Variants in NR2F1-AS1 observed in about 807,000 individuals in gnomAD.
NR2F1-AS1 encodes the protein NR2F1 regulatory antisense RNA 1, also known as NR2F1 antisense RNA 1.
intron 4 of NR2F1-AS1, among the ~76,000 whole-genome samples, chr5:93,451,258 C>G (rs1458966144): frequency 6.8e-6 from 1 of 146,744 alleles, no homozygotes; most frequent in East Asian, 2.0e-4. Context: ...TAATGATAAC[C>G]TGAGAGCCAT....
intron 4 of NR2F1-AS1, among the ~76,000 whole-genome samples, chr5:93,507,403 G>T (rs1751208797): frequency 6.6e-6 from 1 of 152,026 alleles, no homozygotes; most frequent in East Asian, 1.9e-4. Context: ...TGTTGCCCAG[G>T]CTGGAGTGCA....
intron 4 of NR2F1-AS1, among the ~76,000 whole-genome samples, chr5:93,470,187 C>A (rs1302711475): frequency 1.3e-5 from 2 of 151,836 alleles, no homozygotes; most frequent in African/African-American, 4.8e-5. Context: ...CAGCATAATA[C>A]AATAAACATG....
At chr5:93,580,040 G>T (rs1580351825) in intron 1 of NR2F1-AS1, among the ~76,000 whole-genome samples, 1 of 152,242 alleles carries the variant, frequency 6.6e-6, no homozygotes, top group Non-Finnish European at 1.5e-5. Context: ...ACAAGGGCCA[G>T]CCGGGCCGGA....
intron 4 of NR2F1-AS1, among the ~76,000 whole-genome samples, chr5:93,547,400 C>T (rs943110623): frequency 6.6e-6 from 1 of 152,136 alleles, no homozygotes; most frequent in African/African-American, 2.4e-5. Context: ...CAGCCAACAT[C>T]TATCACCATT....
intron 4 of NR2F1-AS1, among the ~76,000 whole-genome samples, chr5:93,505,182 T>G (rs1195969435): frequency 6.6e-6 from 1 of 152,100 alleles, no homozygotes; most frequent in Non-Finnish European, 1.5e-5. Flanking sequence ...TCAAATTAAA[T>G]GATCTCCTTT....
At chr5:93,425,934 A>G (rs1749185554) in intron 4 of NR2F1-AS1, among the ~76,000 whole-genome samples, 1 of 152,182 alleles carries the variant, frequency 6.6e-6, no homozygotes, top group Admixed American at 6.5e-5. Flanking sequence ...TTAAATTTAA[A>G]ACAAAGATTA....
upstream of NR2F1-AS1, among the ~76,000 whole-genome samples, chr5:93,581,993 CT>C (rs1437911800): frequency 8.8e-6 from 1 of 113,512 alleles, no homozygotes; most frequent in Non-Finnish European, 1.8e-5. Flanking sequence ...TCTCTCTCCC[CT>C]CTCCTCTCTT....
At chr5:93,501,068 G>A (rs891486206) in intron 4 of NR2F1-AS1, among the ~76,000 whole-genome samples, 1 of 152,122 alleles carries the variant, frequency 6.6e-6, no homozygotes, top group South Asian at 2.1e-4. Flanking sequence ...CATAAAAGGA[G>A]ATCAAAATAT....
chr5:93,485,056 G>A (rs749476651), intron 4 of NR2F1-AS1, among the ~76,000 whole-genome samples: 13 of 152,130 alleles, frequency 8.5e-5, no homozygotes, highest in South Asian at 4.2e-4. Flanking sequence ...ACAGATCAAC[G>A]AGACAGAAAA....
At chr5:93,447,901 G>C (rs1749750044) in intron 4 of NR2F1-AS1, among the ~76,000 whole-genome samples, 1 of 152,120 alleles carries the variant, frequency 6.6e-6, no homozygotes, top group Admixed American at 6.5e-5. Context: ...CCTTTGCAGG[G>C]ACATGGATGA....
At chr5:93,469,466 G>A (rs76011460) in intron 4 of NR2F1-AS1, among the ~76,000 whole-genome samples, 2 of 152,102 alleles carry the variant, frequency 1.3e-5, no homozygotes, top group East Asian at 3.9e-4. Flanking sequence ...CCTAACAAAA[G>A]CAAATTATAT....
intron 4 of NR2F1-AS1, among the ~76,000 whole-genome samples, chr5:93,431,661 G>T (rs1343203487): frequency 6.6e-6 from 1 of 152,138 alleles, no homozygotes; most frequent in Non-Finnish European, 1.5e-5. Flanking sequence ...TTTGCAAATA[G>T]TCTTGTAATA....
chr5:93,549,476 T>C (rs1329930605), intron 4 of NR2F1-AS1, among the ~76,000 whole-genome samples: 2 of 152,176 alleles, frequency 1.3e-5, no homozygotes, highest in Non-Finnish European at 2.9e-5. Context: ...TACAATTCTA[T>C]GGTCCTTATA....
chr5:93,560,733 T>C (rs1752467694), intron 2 of NR2F1-AS1, among the ~76,000 whole-genome samples: 1 of 152,244 alleles, frequency 6.6e-6, no homozygotes, highest in Non-Finnish European at 1.5e-5. Context: ...CACATACTTC[T>C]TTTGAGAAAT....
chr5:93,572,682 C>A (rs897421802), intron 1 of NR2F1-AS1, among the ~76,000 whole-genome samples: 2 of 152,236 alleles, frequency 1.3e-5, no homozygotes, highest in South Asian at 2.1e-4. Flanking sequence ...CCTTTTCCCC[C>A]CACCGAGCAA....
intron 4 of NR2F1-AS1, among the ~76,000 whole-genome samples, chr5:93,479,664 G>GA (rs139017249): frequency 0.046 from 7,017 of 152,024 alleles, 532 homozygotes; most frequent in African/African-American, 0.16. Flanking sequence ...ATTCATGGGG[G>GA]AAAAAAATGA....
chr5:93,442,873 G>C lies in NR2F1-AS1; in HGVS notation n.639-47331C>G, dbSNP rs183709844. ...GAGGAAGGATCAGGCAGCAACATTT[G>C]CCGTTTTGCAATATTTGCTGCTCTG... On this transcript the variant is annotated intron_variant and non_coding_transcript_variant, in intron 4 of 5. Transcript: ENST00000660523. Among the ~76,000 whole-genome samples, 647 of 152,328 alleles carry C rather than the reference G, an allele frequency of 4.2e-3. 5 individuals are homozygous for C. Among genetic ancestry groups the C allele is most frequent in the African/African-American group, 0.015 (611 of 41,576 alleles).
At chr5:93,430,251 G>A (rs1749282635) in intron 4 of NR2F1-AS1, among the ~76,000 whole-genome samples, 1 of 152,206 alleles carries the variant, frequency 6.6e-6, no homozygotes, top group African/African-American at 2.4e-5. Flanking sequence ...ACTAATGAGA[G>A]TTATTGCATA....
intron 4 of NR2F1-AS1, among the ~76,000 whole-genome samples, chr5:93,435,040 G>A (rs1027884311): frequency 6.6e-6 from 1 of 152,146 alleles, no homozygotes; most frequent in Non-Finnish European, 1.5e-5. Flanking sequence ...TGCTTTGTAA[G>A]TAAAAAGTAA....
Sources: allele counts gnomAD v4.1 joint callset (sites outside exome capture counted in the v4.1 genomes callset), GRCh38; gene constraint gnomAD v4.1.1; transcripts MANE v1.5; gene names NCBI Gene and HGNC (gene_info 2026-07-23, HGNC 2026-07-21).